AP3D1: variants seen among roughly 807,000 people sequenced by gnomAD.
The protein encoded by AP3D1 is adaptor related protein complex 3 subunit delta 1.
Under a neutral mutation model 147.6 loss-of-function variants are expected in AP3D1, and 51 were observed. That is an observed-to-expected ratio of 0.35 (90% CI 0.28 to 0.44). The LOEUF (loss-of-function observed/expected upper bound fraction) is 0.44. AP3D1 is among the 20% of genes least tolerant of loss of function. AP3D1 has a pLI of 1.00. For synonymous variants in AP3D1, 760 were observed against 663.0 expected (o/e 1.15, Z -2.25); for missense variants, 1,421 against 1,624.2 (o/e 0.87, Z 2.15).
At chr19:2,144,990 T>C (rs2238606) in intron 1 of AP3D1, among the ~76,000 whole-genome samples, 48,802 of 151,554 alleles carry the variant, frequency 0.32, 9,085 homozygotes, top group Non-Finnish European at 0.43. Context: ...AGGGCATAGG[T>C]TTCTCTGTTC....
chr19:2,138,344 G>A (rs972161897), intron 2 of AP3D1, among the ~76,000 whole-genome samples: 2 of 152,208 alleles, frequency 1.3e-5, no homozygotes, highest in African/African-American at 4.8e-5. Flanking sequence ...GCAGGCGAGG[G>A]GCGTCCCCAG....
At chr19:2,156,434 C>G (rs2019645967), upstream of AP3D1, among the ~76,000 whole-genome samples, 1 of 151,910 alleles carries the variant, frequency 6.6e-6, no homozygotes, top group Admixed American at 6.6e-5. Context: ...CATCCATTCA[C>G]CCACTCTTCC....
intron 31 of AP3D1, among the ~76,000 whole-genome samples, chr19:2,103,781 G>A (rs112926152): frequency 4.6e-5 from 7 of 152,274 alleles, no homozygotes; most frequent in African/African-American, 1.7e-4. Flanking sequence ...CACGGAAAAC[G>A]ACCAGGAGAA....
intron 12 of AP3D1, 145 bp from the exon 13 acceptor site, chr19:2,121,456 C>A: frequency 8.5e-7 from 1 of 1,172,086 alleles, no homozygotes; most frequent in Non-Finnish European, 1.2e-6. Context: ...GGCAGCAGGC[C>A]CCTGCGATGT....
intron 17 of AP3D1, 113 bp downstream of exon 17, chr19:2,116,492 C>T (rs2018453364): frequency 1.5e-6 from 2 of 1,378,182 alleles, no homozygotes; most frequent in Non-Finnish European, 1.9e-6. Flanking sequence ...GACGCCCATG[C>T]CTCCACTGCC....
rs1205079895 is a variant in AP3D1, at chr19:2,129,410, T to G, written c.640A>C (p.Asn214His). 1 of 1,614,114 alleles carries G rather than the reference T, an allele frequency of 6.2e-7. No homozygotes were observed. The highest frequency in any genetic ancestry group is 1.3e-5 in the African/African-American group (1 of 75,044). Residue 214 changes from asparagine to histidine, a missense_variant, in exon 7 of 32, where the codon AAC becomes CAC. Asn to His is a moderately conservative substitution (Grantham distance 68, BLOSUM62 1). Transcript: ENST00000643116. ...VNVICELARR[N>H]PKNYLSLAPL... ...GCCAGGGACAGGTAGTTCTTAGGGT[T>G]GCGTCTGGCCAGCTCGCAGATGACA...
chr19:2,154,322 A>G (rs1010328944), upstream of AP3D1, among the ~76,000 whole-genome samples: 7 of 143,726 alleles, frequency 4.9e-5, no homozygotes, highest in African/African-American at 1.8e-4. Context: ...TTCTGTCACC[A>G]GGGCTGGAGT....
At chr19:2,112,054 C>T (rs560699778) in intron 24 of AP3D1, 8 of 632,576 alleles carry the variant, frequency 1.3e-5, no homozygotes, top group African/African-American at 3.7e-5. Flanking sequence ...CAAAGCAGCC[C>T]GGGGAACAGT....
intron 17 of AP3D1, 72 bp downstream of exon 17, chr19:2,116,533 T>C: frequency 6.1e-6 from 9 of 1,470,284 alleles, no homozygotes; most frequent in Non-Finnish European, 8.1e-6. Context: ...CAGAGGCCGC[T>C]GACCTGCCTC....
intron 1 of AP3D1, 100 bp downstream of exon 1, chr19:2,151,139 G>T: frequency 1.7e-6 from 2 of 1,184,324 alleles, no homozygotes; most frequent in Non-Finnish European, 2.3e-6. Context: ...CTAAGACAGA[G>T]CCCGGGCGGG....
rs2018600613 is a variant in AP3D1, at chr19:2,121,175, G to A, written c.1238C>T (p.Thr413Ile). 1.9e-6 allele frequency: 3 copies of A among 1,614,204 alleles called. No individual in the cohort carries two copies. Among genetic ancestry groups the A allele is most frequent in the Non-Finnish European group, 2.5e-6 (3 of 1,180,024 alleles). ...ICSQSNYQYI[T>I]NFEWYISILV... Reference sequence around the variant, plus strand: ...GAGCGGGACGCACCACTCGAAGTTGGTGATGTACTGGTAGTTGGACTGGCT... The same window carrying A: ...GAGCGGGACGCACCACTCGAAGTTGATGATGTACTGGTAGTTGGACTGGCT... Residue 413 changes from threonine to isoleucine, a missense_variant, in exon 13 of 32, where the codon ACC becomes ATC. This residue lies in a region of AP3D1 where 310 missense variants were observed against 388.1 expected (regional missense o/e 0.80). Coordinates refer to ENST00000643116, the MANE Select transcript of AP3D1 (RefSeq NM_001261826.3).
chr19:2,158,202 C>G (rs557678030), intron 1 of AP3D1, among the ~76,000 whole-genome samples: 1 of 152,012 alleles, frequency 6.6e-6, no homozygotes, highest in African/African-American at 2.4e-5. Flanking sequence ...ACTACAGGCA[C>G]CCGCCACCAC....
intron 20 of AP3D1, 79 bp downstream of exon 20, chr19:2,115,140 A>G (rs1029990865): frequency 7.1e-7 from 1 of 1,415,228 alleles, no homozygotes; most frequent in East Asian, 2.3e-5. Context: ...CCATGGGGAG[A>G]GGCCACTGTG....
intron 16 of AP3D1, 62 bp downstream of exon 16, chr19:2,117,160 A>C: frequency 6.6e-7 from 1 of 1,515,862 alleles, no homozygotes; most frequent in South Asian, 1.3e-5. Flanking sequence ...CCGCTGTGCC[A>C]CCAGGCATCA....
chr19:2,158,750 G>C (rs1303366283), intron 1 of AP3D1, among the ~76,000 whole-genome samples: 1 of 151,860 alleles, frequency 6.6e-6, no homozygotes, highest in Non-Finnish European at 1.5e-5. Context: ...ACCACACCCA[G>C]CATGAACCAT....
chr19:2,114,632 A>ACCCCCC, intron 21 of AP3D1, 116 bp downstream of exon 21: 1 of 432,948 alleles, frequency 2.3e-6, no homozygotes, highest in Non-Finnish European at 4.5e-6. Flanking sequence ...GCCCGCCCGC[A>ACCCCCC]CCCCACCCCA....
At chr19:2,102,469 C>T (rs1313859004) in intron 31 of AP3D1, among the ~76,000 whole-genome samples, 1 of 152,108 alleles carries the variant, frequency 6.6e-6, no homozygotes, top group Non-Finnish European at 1.5e-5. Flanking sequence ...TGGCTCACGC[C>T]TGTAATCCCA....
Position 2,132,418 on chromosome 19 carries a change from G to C in AP3D1, c.462+53C>G, listed in dbSNP as rs996575137. On this transcript the variant is annotated intron_variant, in intron 5 of 31. Coordinates refer to ENST00000643116, the MANE Select transcript of AP3D1 (RefSeq NM_001261826.3). Reference sequence around the variant, plus strand: ...GCTTCCCAGGCATGCCACTTTGACCGAGTTTTTCCCAGAGCAGACATGCAG... The same window carrying C: ...GCTTCCCAGGCATGCCACTTTGACCCAGTTTTTCCCAGAGCAGACATGCAG... 99 of 1,519,910 alleles carry C rather than the reference G, an allele frequency of 6.5e-5. No individual in the cohort carries two copies. The Middle Eastern group carries it at 1.5e-3, about 24-fold the overall frequency. The allele number at this position is 1,519,910 out of a possible 1,614,324, so 94.2% of individuals were successfully genotyped here. A position where few individuals can be genotyped will look rare whatever the true frequency, so the allele number is the denominator to read the frequency against.
chr19:2,130,943 G>A (rs905524628), intron 5 of AP3D1, among the ~76,000 whole-genome samples: 8 of 152,242 alleles, frequency 5.3e-5, no homozygotes, highest in African/African-American at 9.6e-5. Flanking sequence ...GAGTCGCCTC[G>A]AACTGCCTGG....
Sources: allele counts gnomAD v4.1 joint callset (sites outside exome capture counted in the v4.1 genomes callset), GRCh38; gene constraint gnomAD v4.1.1; regional missense constraint gnomAD v4.1.1; transcripts MANE v1.5; gene names NCBI Gene and HGNC (gene_info 2026-07-23, HGNC 2026-07-21).